The following PRR12 variants were observed in gnomAD, a reference collection of about 807,000 sequenced individuals.
PRR12 encodes the protein proline-rich protein 12.
In PRR12, 12 loss-of-function variants were observed where a neutral mutation model predicts 138.0. That is an observed-to-expected ratio of 0.09 (90% confidence interval 0.06 to 0.14). The LOEUF (loss-of-function observed/expected upper bound fraction) is 0.14. PRR12 is among the 10% of genes least tolerant of loss of function. PRR12 has a pLI of 1.00. For synonymous variants in PRR12, 1,567 were observed against 1,291.7 expected (o/e 1.21, Z -4.57); for missense variants, 2,692 against 2,861.3 (o/e 0.94, Z 1.35).
intron 11 of PRR12, among the ~76,000 whole-genome samples, chr19:49,622,924 TATATAG>T (rs1328005000): frequency 0.014 from 1,146 of 84,726 alleles, 17 homozygotes; most frequent in Middle Eastern, 0.026. Context: ...TATATATATA[TATATAG>T]AGAGAGAGAG....
intron 6 of PRR12, among the ~76,000 whole-genome samples, chr19:49,613,120 T>G (rs1404128891): frequency 6.6e-6 from 1 of 151,764 alleles, no homozygotes; most frequent in Non-Finnish European, 1.5e-5. Flanking sequence ...GTGGATCACC[T>G]GAGGTCAGGA....
chr19:49,602,119 C>T (rs1224651539), intron 6 of PRR12, among the ~76,000 whole-genome samples: 1 of 152,194 alleles, frequency 6.6e-6, no homozygotes, highest in African/African-American at 2.4e-5. Flanking sequence ...TGTGTCTGTA[C>T]ATGCATTACC....
rs1009119370 is a variant in PRR12, at chr19:49,597,392, C to T, written c.3057C>T (p.Pro1019=). ...ACCCCAACAAACCGCCTGAACTGCC[C>T]TCCACGGTCAACGCCGAGCCGCTGG... ...GLDPNKPPEL[P]STVNAEPLGL... The change falls in exon 4 of 14, where the codon CCC becomes CCT. Residue 1019 remains proline, a synonymous_variant. Coordinates refer to ENST00000418929, the MANE Select transcript of PRR12 (RefSeq NM_020719.3). The surrounding 1 kb of genome is among the most constrained non-coding windows in gnomAD (Gnocchi z 6.3). 20 of 1,537,786 alleles carry T rather than the reference C, an allele frequency of 1.3e-5. No individual in the cohort carries two copies. The highest frequency in any genetic ancestry group is 1.6e-5 in the Non-Finnish European group (18 of 1,146,538).
In PRR12 at chr19:49,594,257, T is replaced by C. The variant is rs1484792479; in HGVS notation, c.200-197T>C. 6.6e-6 allele frequency among the ~76,000 whole-genome samples: 1 copy of C among 152,144 alleles called. No homozygotes were observed. Among genetic ancestry groups the C allele is most frequent in the East Asian group, 1.9e-4 (1 of 5,186 alleles). On this transcript the variant is annotated intron_variant, in intron 2 of 13. Coordinates refer to ENST00000418929, the MANE Select transcript of PRR12 (RefSeq NM_020719.3). This position sits in a 1 kb window ranked among gnomAD's most constrained non-coding sequence, Gnocchi z 5.6. ...TGGATTGCCCCTTGTCTTGCTTTAC[T>C]GTCTCACCTTTCCCCCTTCCCTCCC... is the stretch of plus-strand genomic sequence containing the variant.
intron 5 of PRR12, among the ~76,000 whole-genome samples, chr19:49,600,767 T>A (rs1200494306): frequency 1.3e-5 from 2 of 151,958 alleles, no homozygotes; most frequent in African/African-American, 2.4e-5. Context: ...AGTGGTGCGA[T>A]CTTGGCTCAC....
In PRR12 at chr19:49,596,392, C is replaced by T. The variant is rs1056726894; in HGVS notation, c.2057C>T (p.Thr686Ile). Residue 686 changes from threonine (T) to isoleucine (I), a missense_variant, in exon 4 of 14, where the codon ACA becomes ATA. By Grantham distance (89) the Thr-to-Ile change is moderately conservative. Coordinates refer to ENST00000418929, the MANE Select transcript of PRR12 (RefSeq NM_020719.3). This position sits in a 1 kb window ranked among gnomAD's most constrained non-coding sequence, Gnocchi z 5.6. The part of the protein sequence containing the change: ...GSGGAGGPPG[T>I]PYELAKEDPQ... ...GGCGGGGCCGGGGGACCACCGGGTA[C>T]ACCCTACGAGTTGGCCAAGGAAGAC... 18 of 1,604,840 alleles carry T rather than the reference C, an allele frequency of 1.1e-5. No homozygotes were observed. Among genetic ancestry groups the T allele is most frequent in the South Asian group, 9.9e-5 (9 of 90,480 alleles).
At chr19:49,591,883 G>T (rs2080730446) in intron 1 of PRR12, 143 bp downstream of exon 1, 1 of 459,168 alleles carries the variant, frequency 2.2e-6, no homozygotes, top group South Asian at 8.4e-5. Flanking sequence ...TCCTCGGTTT[G>T]TAACAACGCC....
chr19:49,610,258 A>T (rs1327232702), intron 6 of PRR12, among the ~76,000 whole-genome samples: 2 of 151,712 alleles, frequency 1.3e-5, no homozygotes, highest in Non-Finnish European at 1.5e-5. Context: ...TACAGATGCG[A>T]GCCACCCCGC....
At chr19:49,610,544 C>CTCTTTTTTTTTTT in intron 6 of PRR12, among the ~76,000 whole-genome samples, 1 of 89,800 alleles carries the variant, frequency 1.1e-5, no homozygotes, top group Non-Finnish European at 2.1e-5. Flanking sequence ...AACCCTGTTC[C>CTCTTTTTTTTTTT]TATTTTTTTT....
chr19:49,599,847 C>A lies in PRR12; in HGVS notation c.4254C>A (p.Thr1418=), dbSNP rs56723924. The change falls in exon 5 of 14, where the codon ACC becomes ACA. Residue 1418 remains threonine, a synonymous_variant. Coordinates refer to ENST00000418929, the MANE Select transcript of PRR12 (RefSeq NM_020719.3). The surrounding 1 kb of genome is among the most constrained non-coding windows in gnomAD (Gnocchi z 5.0). ...TTGCTGGGCCAAAAGACACTTCCAC[C>A]CCAGATGGGCCGCCCTTGGCCCCCG... ...PPLAGPKDTS[T]PDGPPLAPAA... is the part of the protein sequence containing the mutation. The A allele has an allele frequency of 5.7e-4, 917 of 1,613,278 alleles. 6 individuals carry two copies. In the African/African-American group the frequency reaches 0.011, roughly 19 times the overall value.
At chr19:49,621,165 T>A in intron 10 of PRR12, among the ~76,000 whole-genome samples, 1 of 101,950 alleles carries the variant, frequency 9.8e-6, no homozygotes, top group Non-Finnish European at 2.0e-5. Context: ...CTCCTGGGTC[T>A]GAGGGAGGAG....
intron 1 of PRR12, among the ~76,000 whole-genome samples, chr19:49,592,318 T>C (rs1196541535): frequency 6.6e-6 from 1 of 152,152 alleles, no homozygotes. Context: ...ACGCCCCCTT[T>C]AATGCCCCCA....
intron 4 of PRR12, 91 bp downstream of exon 4, chr19:49,598,104 C>A (rs1396361601): frequency 4.5e-5 from 55 of 1,224,690 alleles, no homozygotes; most frequent in Non-Finnish European, 5.6e-5. Context: ...GACAGAGTCT[C>A]GCTCTGTCGT....
In PRR12 at chr19:49,617,464, C is replaced by T. The variant is rs1353483286; in HGVS notation, c.5497+1245C>T. ...GCAACATAGTGAGACCCCGTCTCTA[C>T]GAACAAATTTTTAAAAATTAGCTGG... On this transcript the variant is annotated intron_variant, in intron 9 of 13. Transcript: ENST00000418929. 5.9e-5 allele frequency among the ~76,000 whole-genome samples: 9 copies of T among 151,998 alleles called. No individual in the cohort carries two copies. The South Asian group carries it at 8.3e-4, about 14-fold the overall frequency.
chr19:49,598,234 C>T (rs546725608), intron 4 of PRR12, among the ~76,000 whole-genome samples: 10 of 151,660 alleles, frequency 6.6e-5, no homozygotes, highest in African/African-American at 9.7e-5. Flanking sequence ...CCACCACGCC[C>T]GGCTAGTTTT....
intron 4 of PRR12, among the ~76,000 whole-genome samples, 188 bp downstream of exon 4, chr19:49,598,201 G>A (rs894849475): frequency 6.6e-6 from 1 of 151,964 alleles, no homozygotes; most frequent in African/African-American, 2.4e-5. Context: ...AGCCTCCCGA[G>A]TAGCTGGGAC....
chr19:49,606,538 G>A (rs2080839026), intron 6 of PRR12, among the ~76,000 whole-genome samples: 1 of 149,748 alleles, frequency 6.7e-6, no homozygotes, highest in Admixed American at 6.7e-5. Context: ...TCCTGACCTC[G>A]TGATTTGCGC....
At position 49,595,856 on chromosome 19, in the gene PRR12, T is replaced by C. The variant is rs1186740723; in HGVS notation, c.1521T>C (p.Tyr507=). 6.2e-7 allele frequency: 1 copy of C among 1,600,884 alleles called. No individual in the cohort carries two copies. The highest frequency in any genetic ancestry group is 1.3e-5 in the African/African-American group (1 of 74,724). The change falls in exon 4 of 14, where the codon TAT becomes TAC. Residue 507 remains tyrosine (Y), a synonymous_variant. Coordinates refer to ENST00000418929, the MANE Select transcript of PRR12 (RefSeq NM_020719.3). ...CGGACCAGCTGCAGGGGCAGCTGTA[T>C]GGGGTGCAGGGCGAGCCATACCCAG... The part of the protein sequence containing the change: ...YSPDQLQGQL[Y]GVQGEPYPGP...
chr19:49,593,213 A>AC, intron 1 of PRR12, 114 bp from the exon 2 acceptor site: 1 of 450,812 alleles, frequency 2.2e-6, no homozygotes, highest in Non-Finnish European at 4.0e-6. Context: ...TTAGCTTAAC[A>AC]CCCCCCACCC....
Sources: allele counts gnomAD v4.1 joint callset (sites outside exome capture counted in the v4.1 genomes callset), GRCh38; gene constraint gnomAD v4.1.1; non-coding constraint Gnocchi (gnomAD v3.1); transcripts MANE v1.5; gene names NCBI Gene and HGNC (gene_info 2026-07-23, HGNC 2026-07-21).